The following LRFN5 variants were observed in gnomAD, a reference collection of about 807,000 sequenced individuals.
The protein encoded by LRFN5 is leucine rich repeat and fibronectin type III domain containing 5.
A neutral mutation model predicts 45.6 loss-of-function variants in LRFN5; 24 were observed. The observed-to-expected ratio is 0.53, with a 90% CI of 0.38 to 0.74. The LOEUF (loss-of-function observed/expected upper bound fraction) is 0.74. LRFN5 is among the 30% of genes least tolerant of loss of function. The probability of loss-of-function intolerance (pLI) is 0.00; values close to 1 mark genes in which losing one functional copy is unlikely to be tolerated. For synonymous variants in LRFN5, 340 were observed against 313.8 expected (o/e 1.08, Z -0.88); for missense variants, 776 against 861.5 (o/e 0.90, Z 1.24).
chr14:41,653,089 A>G lies in LRFN5; in HGVS notation c.-197+44527A>G, dbSNP rs185065126. Among the ~76,000 whole-genome samples the G allele has an allele frequency of 3.6e-3, 544 of 152,282 alleles. 5 individuals carry two copies. Among genetic ancestry groups the G allele is most frequent in the African/African-American group, 0.013 (524 of 41,564 alleles). ...ACCTTTGTCAGAGGCATACTTTGCA[A>G]AAATTTTCTCCCATTCTACAGGTTG... On this transcript the variant is annotated intron_variant, in intron 1 of 5. Coordinates refer to ENST00000298119, the MANE Select transcript of LRFN5 (RefSeq NM_152447.5).
chr14:41,736,421 T>C (rs1181253601), intron 1 of LRFN5, among the ~76,000 whole-genome samples: 1 of 152,236 alleles, frequency 6.6e-6, no homozygotes, highest in Non-Finnish European at 1.5e-5. Context: ...GAAGTGTCTG[T>C]TCACATCCTT....
chr14:41,765,322 A>G (rs532047580), intron 1 of LRFN5, among the ~76,000 whole-genome samples: 125 of 149,208 alleles, frequency 8.4e-4, no homozygotes, highest in African/African-American at 3.0e-3. Flanking sequence ...AGCCTGGGCT[A>G]CTGAGCGAGA....
chr14:41,781,820 A>T (rs370759068), intron 2 of LRFN5, among the ~76,000 whole-genome samples: 76 of 152,138 alleles, frequency 5.0e-4, no homozygotes, highest in African/African-American at 1.7e-3. Flanking sequence ...ACAGTATCAC[A>T]GGTTGTTGGT....
chr14:41,667,880 C>T (rs1189723953), intron 1 of LRFN5, among the ~76,000 whole-genome samples: 1 of 152,142 alleles, frequency 6.6e-6, no homozygotes, highest in Non-Finnish European at 1.5e-5. Flanking sequence ...GATTCTTGAA[C>T]ATACAAGTAT....
intron 2 of LRFN5, among the ~76,000 whole-genome samples, chr14:41,790,036 T>G (rs1439252487): frequency 6.6e-6 from 1 of 151,920 alleles, no homozygotes; most frequent in Non-Finnish European, 1.5e-5. Context: ...CCTTGAAAGC[T>G]TTCTCAAGTT....
chr14:41,827,840 C>G (rs899376389), intron 2 of LRFN5, among the ~76,000 whole-genome samples: 5 of 151,896 alleles, frequency 3.3e-5, no homozygotes, highest in African/African-American at 1.2e-4. Flanking sequence ...GGAACTAGTT[C>G]TCATTTACAT....
intron 1 of LRFN5, among the ~76,000 whole-genome samples, chr14:41,735,254 C>CTTTATT (rs74763036): frequency 3.3e-5 from 5 of 151,784 alleles, no homozygotes; most frequent in Admixed American, 1.3e-4. Context: ...ATCCATTCAC[C>CTTTATT]TTTATTTTTA....
At chr14:41,681,525 A>T (rs1881880438) in intron 1 of LRFN5, among the ~76,000 whole-genome samples, 1 of 152,146 alleles carries the variant, frequency 6.6e-6, no homozygotes, top group African/African-American at 2.4e-5. Flanking sequence ...TTTATCCTAT[A>T]ATAGTATATC....
At chr14:41,747,747 G>A (rs767263159) in intron 1 of LRFN5, among the ~76,000 whole-genome samples, 47 of 151,906 alleles carry the variant, frequency 3.1e-4, no homozygotes, top group Non-Finnish European at 1.0e-4. Context: ...ATGGGAGAAA[G>A]TATTTGGAAA....
intron 1 of LRFN5, among the ~76,000 whole-genome samples, chr14:41,722,878 G>T (rs933568274): frequency 6.6e-6 from 1 of 152,146 alleles, no homozygotes. Flanking sequence ...GATGGGTGGG[G>T]CCAGGTTGGG....
intron 2 of LRFN5, among the ~76,000 whole-genome samples, chr14:41,877,016 T>C (rs1042767869): frequency 1.3e-5 from 2 of 152,142 alleles, no homozygotes; most frequent in African/African-American, 4.8e-5. Context: ...ATCCTTTATA[T>C]GAAAGTGCTA....
chr14:41,704,448 C>CTCTCTCTGTGTGTGTGTGTGTGTGTGTG (rs200253065), intron 1 of LRFN5, among the ~76,000 whole-genome samples: 2 of 124,238 alleles, frequency 1.6e-5, no homozygotes, highest in African/African-American at 7.7e-5. Flanking sequence ...CTCTCTCTCT[C>CTCTCTCTGTGTGTGTGTGTGTGTGTGTG]TGTGTGTGTG....
At chr14:41,825,576 T>A (rs1724014686) in intron 2 of LRFN5, among the ~76,000 whole-genome samples, 1 of 152,220 alleles carries the variant, frequency 6.6e-6, no homozygotes, top group South Asian at 2.1e-4. Flanking sequence ...ATTATGCAGC[T>A]CCCTTGGCTC....
At chr14:41,759,981 C>A (rs1035431436) in intron 1 of LRFN5, among the ~76,000 whole-genome samples, 1 of 152,182 alleles carries the variant, frequency 6.6e-6, no homozygotes, top group South Asian at 2.1e-4. Context: ...ATATCTTATA[C>A]CTGGTTTTTT....
intron 1 of LRFN5, among the ~76,000 whole-genome samples, chr14:41,668,965 A>G (rs1430347995): frequency 1.3e-5 from 2 of 152,114 alleles, no homozygotes; most frequent in Non-Finnish European, 2.9e-5. Context: ...TTATGTACTT[A>G]AGCAATTATG....
At chr14:41,654,395 A>G (rs1420422775) in intron 1 of LRFN5, among the ~76,000 whole-genome samples, 2 of 152,068 alleles carry the variant, frequency 1.3e-5, no homozygotes, top group Non-Finnish European at 2.9e-5. Context: ...TAGCATGTAC[A>G]TAGTATGTAC....
chr14:41,652,399 G>C (rs984437367), intron 1 of LRFN5, among the ~76,000 whole-genome samples: 1 of 152,098 alleles, frequency 6.6e-6, no homozygotes, highest in Non-Finnish European at 1.5e-5. Flanking sequence ...TGTAGAGTGG[G>C]CTAGGCGCTG....
chr14:41,635,878 T>C (rs1374601339), intron 1 of LRFN5, among the ~76,000 whole-genome samples: 1 of 152,108 alleles, frequency 6.6e-6, no homozygotes, highest in African/African-American at 2.4e-5. Flanking sequence ...TCCATACTAG[T>C]TTCTAATTCT....
Position 41,818,251 on chromosome 14 carries a change from CTCT to C in LRFN5, c.-21+51227_-21+51229del, listed in dbSNP as rs1413034167. 7.9e-5 allele frequency among the ~76,000 whole-genome samples: 12 copies of C among 151,942 alleles called. No homozygotes were observed. In the East Asian group the frequency reaches 1.5e-3, roughly 20 times the overall value. On this transcript the variant is annotated intron_variant, in intron 2 of 5. Coordinates refer to ENST00000298119, the MANE Select transcript of LRFN5 (RefSeq NM_152447.5). ...GATAAATACTTAACTGTATCTTCAA[CTCT>C]TCTTTTAATTTCATCTATTGTAATT...
Sources: gnomAD v4.1 joint callset for allele counts (sites outside exome capture counted in the v4.1 genomes callset) on GRCh38, gnomAD v4.1.1 for gene constraint, MANE v1.5 for transcripts, NCBI Gene and HGNC (gene_info 2026-07-23, HGNC 2026-07-21) for gene names.